Variants in STK32B observed in about 807,000 individuals in gnomAD.
STK32B encodes the protein serine/threonine kinase 32B.
In STK32B, 43 loss-of-function variants were observed where a neutral mutation model predicts 52.6. That is an observed-to-expected ratio of 0.82 (90% CI 0.64 to 1.05). STK32B has a LOEUF of 1.05. STK32B is among the 50% of genes least tolerant of loss of function. The probability of loss-of-function intolerance (pLI) is 0.00; values close to 1 mark genes in which losing one functional copy is unlikely to be tolerated. For missense variants in STK32B, 621 were observed against 534.6 expected (o/e 1.16, Z -1.59); for synonymous variants, 238 against 204.3 (o/e 1.17, Z -1.41).
In STK32B at chr4:5,302,907, T is replaced by A. The variant is rs141596222; in HGVS notation, c.261-28313T>A. 6.5e-3 allele frequency among the ~76,000 whole-genome samples: 987 copies of A among 152,210 alleles called. 6 individuals carry two copies. Among genetic ancestry groups the A allele is most frequent in the Non-Finnish European group, 0.011 (764 of 67,986 alleles). ...CTTAGAATAATGGTCTCCGTTACCA[T>A]CCAGGTTGCTGCAAATGCCACTATT... is the stretch of plus-strand genomic sequence containing the variant. On this transcript the variant is annotated intron_variant, in intron 3 of 11. Coordinates refer to ENST00000282908, the MANE Select transcript of STK32B (RefSeq NM_018401.3).
chr4:5,430,474 C>T (rs116806091), intron 6 of STK32B, among the ~76,000 whole-genome samples: 2,059 of 152,246 alleles, frequency 0.014, 25 homozygotes, highest in Middle Eastern at 0.027. Context: ...GCATGCTGTC[C>T]GCCTTTCCAC....
intron 6 of STK32B, among the ~76,000 whole-genome samples, chr4:5,443,988 C>G (rs1483938482): frequency 6.6e-6 from 1 of 152,198 alleles, no homozygotes. Context: ...GCTGGGAGAA[C>G]CACTGCTCTC....
chr4:5,402,328 G>A (rs926380540), intron 5 of STK32B, among the ~76,000 whole-genome samples: 17 of 152,334 alleles, frequency 1.1e-4, no homozygotes, highest in Admixed American at 7.2e-4. Flanking sequence ...GGCACAGGCC[G>A]GTGGGTTAGT....
At chr4:5,436,653 A>G (rs572466290) in intron 6 of STK32B, 2 of 985,420 alleles carry the variant, frequency 2.0e-6, no homozygotes, top group African/African-American at 1.7e-5. Context: ...AAGCTGAGGA[A>G]GGGAGGGTAC....
rs1466591707 is a variant in STK32B at position 5,209,848 on chromosome 4, G to GA, written c.260+41406dup. Among the ~76,000 whole-genome samples, 5 of 151,526 alleles carry GA rather than the reference G, an allele frequency of 3.3e-5. No homozygotes were observed. In the South Asian group the frequency reaches 6.3e-4, roughly 19 times the overall value. On this transcript the variant is annotated intron_variant, in intron 3 of 11. Coordinates refer to ENST00000282908, the MANE Select transcript of STK32B (RefSeq NM_018401.3). ...CAACCTTGTCCAAAACTGCAACATC[G>GA]AAAAAAAACAGAATCAGGATATGGC...
intron 1 of STK32B, among the ~76,000 whole-genome samples, chr4:5,055,796 T>C (rs1741981526): frequency 6.6e-6 from 1 of 151,938 alleles, no homozygotes; most frequent in Admixed American, 6.6e-5. Flanking sequence ...TCCAGGAAAA[T>C]GTTGTTGACT....
chr4:5,316,968 AAT>A (rs1332618018), intron 3 of STK32B, among the ~76,000 whole-genome samples: 3 of 21,906 alleles, frequency 1.4e-4, no homozygotes, highest in Non-Finnish European at 1.9e-4. Context: ...TAATATATAT[AAT>A]ATATATAATA....
At chr4:5,477,521 T>C (rs1288707704) in intron 11 of STK32B, among the ~76,000 whole-genome samples, 1 of 152,158 alleles carries the variant, frequency 6.6e-6, no homozygotes, top group Non-Finnish European at 1.5e-5. Context: ...ATCCCCTCTC[T>C]GAGTCCATAA....
chr4:5,142,988 CTT>C (rs1328960501), intron 2 of STK32B, among the ~76,000 whole-genome samples: 4 of 152,170 alleles, frequency 2.6e-5, no homozygotes, highest in African/African-American at 7.2e-5. Context: ...AGTATCAACT[CTT>C]TTCTGGATTT....
intron 2 of STK32B, among the ~76,000 whole-genome samples, chr4:5,163,108 G>C (rs184384538): frequency 6.6e-6 from 1 of 152,228 alleles, no homozygotes; most frequent in Non-Finnish European, 1.5e-5. Flanking sequence ...GTCAGGGCCA[G>C]GGAAGCATTG....
At chr4:5,108,607 G>A (rs145881928) in intron 1 of STK32B, among the ~76,000 whole-genome samples, 126 of 152,236 alleles carry the variant, frequency 8.3e-4, no homozygotes, top group African/African-American at 2.9e-3. Flanking sequence ...TTTATTTGTG[G>A]CAATATAGTT....
At position 5,097,465 on chromosome 4, in the gene STK32B, A is replaced by T. The variant is rs145792699; in HGVS notation, c.53-42440A>T. On this transcript the variant is annotated intron_variant, in intron 1 of 11. Coordinates refer to ENST00000282908, the MANE Select transcript of STK32B (RefSeq NM_018401.3). ...ACTGTTTCAACAGAAATGTCTACAC[A>T]TCAAGAAAGAAAGATCCCCTACTTG... 2.1e-3 allele frequency among the ~76,000 whole-genome samples: 322 copies of T among 151,238 alleles called. 2 individuals carry two copies. The highest frequency in any genetic ancestry group is 3.3e-3 in the Non-Finnish European group (223 of 67,898).
At chr4:5,131,853 A>G (rs1420897483) in intron 1 of STK32B, among the ~76,000 whole-genome samples, 1 of 152,226 alleles carries the variant, frequency 6.6e-6, no homozygotes, top group Non-Finnish European at 1.5e-5. Flanking sequence ...ATGTAGAAGG[A>G]AGAATAACTG....
intron 3 of STK32B, among the ~76,000 whole-genome samples, chr4:5,247,157 C>T (rs558446364): frequency 6.6e-6 from 1 of 152,326 alleles, no homozygotes; most frequent in East Asian, 1.9e-4. Context: ...TTTGTCTGTG[C>T]CCTGCCCCCA....
chr4:5,327,964 C>T (rs1288599680), intron 3 of STK32B, among the ~76,000 whole-genome samples: 2 of 152,258 alleles, frequency 1.3e-5, no homozygotes, highest in South Asian at 2.1e-4. Flanking sequence ...TAACTTGCTG[C>T]AGCTTCTCCA....
chr4:5,288,340 A>C (rs1728678828), intron 3 of STK32B, among the ~76,000 whole-genome samples: 1 of 152,182 alleles, frequency 6.6e-6, no homozygotes, highest in African/African-American at 2.4e-5. Flanking sequence ...TACAGTGGTT[A>C]AACCATTTTG....
intron 11 of STK32B, among the ~76,000 whole-genome samples, chr4:5,475,297 C>G (rs368354189): frequency 6.6e-6 from 1 of 151,208 alleles, no homozygotes; most frequent in Non-Finnish European, 1.5e-5. Context: ...TGGTGGCAGG[C>G]GCCTGTAATC....
chr4:5,237,939 C>G (rs1261697749), intron 3 of STK32B, among the ~76,000 whole-genome samples: 1 of 152,054 alleles, frequency 6.6e-6, no homozygotes, highest in South Asian at 2.1e-4. Flanking sequence ...ATACCTTGGC[C>G]GGGATCACAG....
intron 4 of STK32B, among the ~76,000 whole-genome samples, chr4:5,351,000 C>G (rs973251077): frequency 6.6e-6 from 1 of 151,970 alleles, no homozygotes; most frequent in African/African-American, 2.4e-5. Context: ...GAAAGATAGA[C>G]TCCAGTACAA....
Sources: gnomAD v4.1 joint callset for allele counts (sites outside exome capture counted in the v4.1 genomes callset) on GRCh38, gnomAD v4.1.1 for gene constraint, MANE v1.5 for transcripts, NCBI Gene and HGNC (gene_info 2026-07-23, HGNC 2026-07-21) for gene names.